ZDHHC4: variants seen among roughly 807,000 people sequenced by gnomAD.
ZDHHC4 encodes palmitoyltransferase ZDHHC4.
ZDHHC4 carries 42 observed loss-of-function variants against 36.7 expected under a neutral mutation model. That is an observed-to-expected ratio of 1.14 (90% CI 0.89 to 1.48). ZDHHC4 has a LOEUF of 1.48. Among genes scored for constraint, ZDHHC4 ranks in the 40% most tolerant of loss-of-function variants. ZDHHC4 has a pLI of 0.00. For missense variants in ZDHHC4, 457 were observed against 421.5 expected, an observed-to-expected ratio of 1.08 and a Z score of -0.74; for synonymous variants, 189 against 166.6, an observed-to-expected ratio of 1.13 and a Z score of -1.03.
At chr7:6,578,979 C>T (rs550886097) in intron 2 of ZDHHC4, among the ~76,000 whole-genome samples, 4 of 152,134 alleles carry the variant, frequency 2.6e-5, no homozygotes, top group South Asian at 2.1e-4. Flanking sequence ...TGCGCAACCA[C>T]ACTTGGCTAA....
rs968726530 is a variant in ZDHHC4, at chr7:6,577,479, C to A, written c.-182C>A. 1 of 152,198 alleles carries A rather than the reference C, an allele frequency of 6.6e-6. No homozygotes were observed. The highest frequency in any genetic ancestry group is 2.4e-5 in the African/African-American group (1 of 41,464). 9.4% of individuals were successfully genotyped at this position (152,198 alleles called of 1,614,324 possible). On this transcript the variant is annotated 5_prime_UTR_variant, in exon 1 of 8. Transcript: ENST00000335965. ...AGTCTCGTATCGCGCCCGGGAGGCG[C>A]CGGAGCCCAGCGGCTGGCGGTAAGG...
chr7:6,584,488 G>GTTTA (rs1781085140), intron 6 of ZDHHC4, among the ~76,000 whole-genome samples: 1 of 152,094 alleles, frequency 6.6e-6, no homozygotes, highest in African/African-American at 2.4e-5. Flanking sequence ...CTTTAAAGCA[G>GTTTA]GAACACCAGT....
chr7:6,580,825 G>C, intron 3 of ZDHHC4, 147 bp downstream of exon 3: 1 of 736,292 alleles, frequency 1.4e-6, no homozygotes, highest in South Asian at 1.7e-5. Context: ...GCTGAGGCAG[G>C]AGGATCCCTT....
intron 7 of ZDHHC4, among the ~76,000 whole-genome samples, chr7:6,586,179 A>T (rs535437994): frequency 5.0e-4 from 76 of 152,142 alleles, no homozygotes; most frequent in Non-Finnish European, 9.4e-4. Context: ...AAAAAAATTC[A>T]CATATCATAA....
chr7:6,582,381 A>T (rs1165984343), intron 5 of ZDHHC4, 130 bp downstream of exon 5: 2 of 910,992 alleles, frequency 2.2e-6, no homozygotes, highest in African/African-American at 1.7e-5. Context: ...ATTACCTTTC[A>T]GTTTTGAGTG....
chr7:6,585,228 C>T lies in ZDHHC4; in HGVS notation c.709C>T (p.Leu237Phe). Residue 237 changes from leucine (L) to phenylalanine (F), a missense_variant, in exon 7 of 8, where the codon CTC becomes TTC. Transcript: ENST00000335965. The stretch of plus-strand genomic sequence containing the variant: ...GACTTACATCGATGACCTTGGACAC[C>T]TCCATGTTATGGACACGGTCTTTCT... ...QETYIDDLGH[L>F]HVMDTVFLIQ... 1 of 1,614,158 alleles carries T rather than the reference C, an allele frequency of 6.2e-7. No individual in the cohort carries two copies. Among genetic ancestry groups the T allele is most frequent in the Non-Finnish European group, 8.5e-7 (1 of 1,180,032 alleles).
At position 6,581,681 on chromosome 7, in the gene ZDHHC4, G is replaced by T; in HGVS notation, c.191+1G>T. 1 of 1,600,264 alleles carries T rather than the reference G, an allele frequency of 6.2e-7. No homozygotes were observed. On this transcript the variant is annotated splice_donor_variant, in intron 4 of 7. Coordinates refer to ENST00000335965, the MANE Select transcript of ZDHHC4 (RefSeq NM_001134389.2). LOFTEE classifies it high-confidence loss of function. ...TGCTTCATTACCTTTTCCATACGAGGTATTTCTCTTTCAGAGTTTAAATAT... is the reference window on the plus strand; with the variant it reads ...TGCTTCATTACCTTTTCCATACGAGTTATTTCTCTTTCAGAGTTTAAATAT...
Sources: gnomAD v4.1 joint callset for allele counts (sites outside exome capture counted in the v4.1 genomes callset) on GRCh38, gnomAD v4.1.1 for gene constraint, MANE v1.5 for transcripts, NCBI Gene and HGNC (gene_info 2026-07-23, HGNC 2026-07-21) for gene names.